LYST: variants seen among roughly 807,000 people sequenced by gnomAD.
The protein encoded by LYST is lysosomal trafficking regulator, also known as lysosomal-trafficking regulator.
A neutral mutation model predicts 413.6 loss-of-function variants in LYST; 192 were observed. The observed-to-expected ratio is 0.46, with a 90% CI of 0.41 to 0.52. The LOEUF is 0.52. LYST is among the 20% of genes least tolerant of loss of function. The pLI is 0.00. For missense variants in LYST, 3,815 were observed against 4,499.9 expected (o/e 0.85, Z 4.35); for synonymous variants, 1,525 against 1,567.3 (o/e 0.97, Z 0.64).
intron 30 of LYST, among the ~76,000 whole-genome samples, 159 bp downstream of exon 30, chr1:235,743,820 T>C (rs538052951): frequency 4.5e-4 from 69 of 152,302 alleles, no homozygotes; most frequent in African/African-American, 1.6e-3. Context: ...ATTAGCAATA[T>C]ATATTATTCT....
intron 3 of LYST, among the ~76,000 whole-genome samples, chr1:235,823,713 G>GT (rs1675027895): frequency 6.6e-6 from 1 of 152,132 alleles, no homozygotes; most frequent in Non-Finnish European, 1.5e-5. Flanking sequence ...TAGCCCCCGT[G>GT]TTTTTTCATG....
chr1:235,759,746 C>G lies in LYST; in HGVS notation c.6254-147G>C. ...AGGTTAATTTTACAAGTAACTAATG[C>G]TTAAAATTCCTTTACTTTTTCTTAA... On this transcript the variant is annotated intron_variant, in intron 22 of 52. Transcript: ENST00000389793. The G allele has an allele frequency of 4.6e-6, 3 of 657,282 alleles. No individual in the cohort carries two copies. The South Asian group carries it at 5.5e-5, about 12-fold the overall frequency. The allele number at this position is 657,282 out of a possible 1,614,324, so 40.7% of individuals were successfully genotyped here. A position where few individuals can be genotyped will look rare whatever the true frequency, so the allele number is the denominator to read the frequency against.
rs772305412 is a variant in LYST at position 235,809,564 on chromosome 1, A to T, written c.1254T>A (p.Ser418Arg). The change falls in exon 5 of 53, where the codon AGT becomes AGA. Residue 418 changes from serine (S) to arginine (R), a missense_variant. Around this residue, in one of 4 missense-constraint regions of LYST, gnomAD observed 1,648 missense variants for 1,810.3 expected, o/e 0.91. Coordinates refer to ENST00000389793, the MANE Select transcript of LYST (RefSeq NM_000081.4). This position sits in a 1 kb window ranked among gnomAD's most constrained non-coding sequence, Gnocchi z 4.0. ...VLQILICCLQ[S>R]AASNPFYFSQ... ...TGAAGTAGAAGGGATTTGAAGCTGC[A>T]CTTTGAAGACAACAGATCAGAATCT... is the stretch of plus-strand genomic sequence containing the variant. 2 of 1,614,052 alleles carry T rather than the reference A, an allele frequency of 1.2e-6. No homozygotes were observed. Among genetic ancestry groups the T allele is most frequent in the Non-Finnish European group, 1.7e-6 (2 of 1,179,976 alleles).
At position 235,812,999 on chromosome 1, in the gene LYST, C is replaced by T; in HGVS notation, c.255G>A (p.Lys85=). 1.2e-6 allele frequency: 2 copies of T among 1,611,614 alleles called. No homozygotes were observed. The highest frequency in any genetic ancestry group is 8.5e-7 in the Non-Finnish European group (1 of 1,177,918). ...TTGCCTTTTCTTCTTGGACAGGTAT[C>T]TTCCATACCAGTGGAAGGAGAGACA... is the stretch of plus-strand genomic sequence containing the variant. ...LLLSLLPLVW[K]IPVQEEKATD... Residue 85 remains lysine, a synonymous_variant, in exon 4 of 53, where the codon AAG becomes AAA. Coordinates refer to ENST00000389793, the MANE Select transcript of LYST (RefSeq NM_000081.4).
At chr1:235,695,728 G>T (rs564125253) in intron 46 of LYST, among the ~76,000 whole-genome samples, 8 of 150,370 alleles carry the variant, frequency 5.3e-5, no homozygotes, top group African/African-American at 2.0e-4. Context: ...CGCCTCATGG[G>T]TTCACGCCAT....
In LYST at chr1:235,806,526, A is replaced by G. The variant is rs915649687; in HGVS notation, c.2610T>C (p.Ser870=). 2.5e-6 allele frequency: 4 copies of G among 1,613,964 alleles called. No individual in the cohort carries two copies. Among genetic ancestry groups the G allele is most frequent in the Non-Finnish European group, 3.4e-6 (4 of 1,179,990 alleles). Residue 870 remains serine, a synonymous_variant, in exon 6 of 53, where the codon AGT becomes AGC. Transcript: ENST00000389793. ...TGAGGCCAGCATAAAATTTGCTGAGACTCTGAGGAGAATCTGAATAAGCTT... is the reference window on the plus strand; with the variant it reads ...TGAGGCCAGCATAAAATTTGCTGAGGCTCTGAGGAGAATCTGAATAAGCTT... ...HQQAYSDSPQ[S]LSKFYAGLKE... is the part of the protein sequence containing the mutation.
intron 27 of LYST, 40 bp downstream of exon 27, chr1:235,751,965 A>T: frequency 6.9e-7 from 1 of 1,447,742 alleles, no homozygotes; most frequent in South Asian, 1.2e-5. Context: ...TTTGTCTGTT[A>T]TACAACTCCC....
rs778916638 is a variant in LYST at position 235,781,004 on chromosome 1, T to C, written c.5075A>G (p.Asn1692Ser). The change falls in exon 16 of 53, where the codon AAC (asparagine) becomes AGC (serine). Residue 1692 changes from asparagine (N) to serine (S), a missense_variant. By Grantham distance (46) the Asn-to-Ser change is conservative. Coordinates refer to ENST00000389793, the MANE Select transcript of LYST (RefSeq NM_000081.4). ...EAFYLYACGP[N>S]HTSVMPCKYG... is the part of the protein sequence containing the mutation. ...CTTACATGGCATTACAGATGTATGG[T>C]TGGGTCCACAAGCATACAGATAAAA... The C allele has an allele frequency of 6.2e-6, 10 of 1,611,910 alleles. No homozygotes were observed. Among genetic ancestry groups the C allele is most frequent in the East Asian group, 2.2e-5 (1 of 44,692 alleles).
At chr1:235,691,018 G>A (rs1347674582) in intron 47 of LYST, among the ~76,000 whole-genome samples, 3 of 151,634 alleles carry the variant, frequency 2.0e-5, no homozygotes, top group Non-Finnish European at 2.9e-5. Flanking sequence ...CCGGGTTCAC[G>A]CCATTCTCCT....
At chr1:235,663,926 T>C (rs1267972787) in intron 52 of LYST, 58 bp downstream of exon 52, 1 of 1,383,842 alleles carries the variant, frequency 7.2e-7, no homozygotes, top group Non-Finnish European at 1.0e-6. Context: ...AATACCTCTC[T>C]ACGAAAAATA....
intron 19 of LYST, 85 bp from the exon 20 acceptor site, chr1:235,770,382 A>G: frequency 2.6e-6 from 3 of 1,166,424 alleles, no homozygotes; most frequent in Non-Finnish European, 3.9e-6. Context: ...ACGCGCAACA[A>G]TTTAACATTG....
At chr1:235,701,262 G>A (rs1558130908) in intron 45 of LYST, among the ~76,000 whole-genome samples, 2 of 152,328 alleles carry the variant, frequency 1.3e-5, no homozygotes, top group East Asian at 3.9e-4. Context: ...CTAACGAGCA[G>A]TAAGTATAGT....
intron 17 of LYST, among the ~76,000 whole-genome samples, chr1:235,776,008 TA>T (rs1669196555): frequency 6.6e-6 from 1 of 152,182 alleles, no homozygotes; most frequent in South Asian, 2.1e-4. Context: ...GTAAACATTT[TA>T]TCTAAGATCC....
chr1:235,730,808 T>C (rs886901035), intron 36 of LYST, 39 bp downstream of exon 36: 9 of 1,152,854 alleles, frequency 7.8e-6, no homozygotes, highest in African/African-American at 4.6e-5. Flanking sequence ...AGCTGTTGTA[T>C]ATTCATGAAA....
intron 47 of LYST, 107 bp from the exon 48 acceptor site, chr1:235,687,154 C>T: frequency 2.4e-6 from 2 of 819,962 alleles, no homozygotes; most frequent in South Asian, 3.2e-5. Flanking sequence ...TTTCTGACAA[C>T]TATTTTTTTT....
chr1:235,869,840 A>G (rs758177897), upstream of LYST, among the ~76,000 whole-genome samples: 3 of 152,120 alleles, frequency 2.0e-5, no homozygotes, highest in Non-Finnish European at 4.4e-5. Flanking sequence ...CTACTCTCCC[A>G]TCACTACCTA....
chr1:235,677,174 T>C lies in LYST; in HGVS notation c.10955A>G (p.Gln3652Arg), dbSNP rs759886632. 6.2e-7 allele frequency: 1 copy of C among 1,612,658 alleles called. No homozygotes were observed. The highest frequency in any genetic ancestry group is 1.1e-5 in the South Asian group (1 of 91,058). The change falls in exon 50 of 53, where the codon CAA becomes CGA. Residue 3652 changes from glutamine to arginine, a missense_variant. Coordinates refer to ENST00000389793, the MANE Select transcript of LYST (RefSeq NM_000081.4). Reference sequence around the variant, plus strand: ...AGGGCTTTTGTGTCCCGCCAGACTTTGTACATAGCATAACCTGAAAGAAAA... The same window carrying C: ...AGGGCTTTTGTGTCCCGCCAGACTTCGTACATAGCATAACCTGAAAGAAAA... ...IWDLNRLCYV[Q>R]SLAGHKSPVT... is the part of the protein sequence containing the mutation.
At chr1:235,865,542 A>G (rs935329396) in intron 1 of LYST, among the ~76,000 whole-genome samples, 5 of 152,214 alleles carry the variant, frequency 3.3e-5, no homozygotes, top group Non-Finnish European at 7.3e-5. Context: ...AAGTATTTTT[A>G]TGCAAATTAC....
intron 1 of LYST, among the ~76,000 whole-genome samples, chr1:235,858,386 T>A (rs10803107): frequency 0.45 from 67,590 of 151,752 alleles, 16,264 homozygotes; most frequent in African/African-American, 0.61. Flanking sequence ...ATAGTAGTTT[T>A]TATTAATATT....
Sources: gnomAD v4.1 joint callset for allele counts (sites outside exome capture counted in the v4.1 genomes callset) on GRCh38, gnomAD v4.1.1 for gene constraint, gnomAD v4.1.1 regional missense constraint, Gnocchi (gnomAD v3.1) non-coding constraint, MANE v1.5 for transcripts, NCBI Gene and HGNC (gene_info 2026-07-23, HGNC 2026-07-21) for gene names.